Variants in ZNF804A observed in about 807,000 individuals in gnomAD.
ZNF804A encodes zinc finger protein 804A.
ZNF804A carries 2 observed loss-of-function variants against 16.5 expected under a neutral mutation model. That is an observed-to-expected ratio of 0.12 (90% CI 0.05 to 0.38). ZNF804A has a LOEUF of 0.38. ZNF804A is among the 10% of genes least tolerant of loss of function. ZNF804A has a pLI of 0.99. For synonymous variants in ZNF804A, 534 were observed against 489.6 expected (o/e 1.09, Z -1.20); for missense variants, 1,473 against 1,390.7 (o/e 1.06, Z -0.94).
Position 184,936,943 on chromosome 2 carries a change from G to C in ZNF804A, c.1547G>C (p.Ser516Thr), listed in dbSNP as rs528142085. Residue 516 changes from serine (S) to threonine (T), a missense_variant, in exon 4 of 4, where the codon AGC becomes ACC. Ser to Thr is a moderately conservative substitution (Grantham distance 58). Transcript: ENST00000302277. The part of the protein sequence containing the change: ...EGLTDYEIGS[S>T]KNKCSQVTPL... ...CTCACTGATTATGAAATTGGAAGTA[G>C]CAAAAATAAATGCAGCCAAGTCACT... 1.9e-6 allele frequency: 3 copies of C among 1,613,944 alleles called. No individual in the cohort carries two copies. Among genetic ancestry groups the C allele is most frequent in the African/African-American group, 1.3e-5 (1 of 75,032 alleles).
At chr2:184,827,076 C>T (rs1225627640) in intron 1 of ZNF804A, among the ~76,000 whole-genome samples, 1 of 151,800 alleles carries the variant, frequency 6.6e-6, no homozygotes, top group Non-Finnish European at 1.5e-5. Context: ...CTCTAAATAT[C>T]TATAAGCTGT....
At chr2:184,710,628 A>T (rs1312603827) in intron 1 of ZNF804A, among the ~76,000 whole-genome samples, 1 of 151,774 alleles carries the variant, frequency 6.6e-6, no homozygotes, top group Non-Finnish European at 1.5e-5. Context: ...TTCATCTTGT[A>T]AAACTGAAAC....
intron 1 of ZNF804A, among the ~76,000 whole-genome samples, chr2:184,726,668 T>C (rs1403967693): frequency 6.6e-6 from 1 of 151,624 alleles, no homozygotes; most frequent in African/African-American, 2.4e-5. Flanking sequence ...TTGTTCTTCG[T>C]ATTAAAATTG....
chr2:184,933,052 C>G (rs1685727665), intron 2 of ZNF804A, among the ~76,000 whole-genome samples: 2 of 151,942 alleles, frequency 1.3e-5, no homozygotes, highest in African/African-American at 2.4e-5. Context: ...AATGTACTCT[C>G]AGAACACACA....
chr2:184,639,535 T>G (rs1691758947), intron 1 of ZNF804A, among the ~76,000 whole-genome samples: 1 of 152,200 alleles, frequency 6.6e-6, no homozygotes, highest in African/African-American at 2.4e-5. Context: ...GAGAATATGT[T>G]TAATATTTTT....
rs1685779476 is a variant in ZNF804A, at chr2:184,936,034, G to T, written c.638G>T (p.Gly213Val). 6.2e-7 allele frequency: 1 copy of T among 1,613,914 alleles called. No homozygotes were observed. Among genetic ancestry groups the T allele is most frequent in the Non-Finnish European group, 8.5e-7 (1 of 1,179,966 alleles). ...CAGGGGATTCACAGACACAAAATCGGCTTTTCTTTTGCATTTCCAAAGAAA... is the reference window on the plus strand; with the variant it reads ...CAGGGGATTCACAGACACAAAATCGTCTTTTCTTTTGCATTTCCAAAGAAA... ...QAQGIHRHKIGFSFAFPKKAS... is the reference protein window; with the variant it reads ...QAQGIHRHKIVFSFAFPKKAS... The change falls in exon 4 of 4, where the codon GGC becomes GTC. Residue 213 changes from glycine to valine, a missense_variant. Physicochemically the swap from Gly to Val is moderately radical, Grantham distance 109. Coordinates refer to ENST00000302277, the MANE Select transcript of ZNF804A (RefSeq NM_194250.2).
At chr2:184,766,202 T>C (rs1439939035) in intron 1 of ZNF804A, among the ~76,000 whole-genome samples, 1 of 152,154 alleles carries the variant, frequency 6.6e-6, no homozygotes, top group East Asian at 1.9e-4. Flanking sequence ...CCAAATTAAT[T>C]CATTGCTAAA....
At chr2:184,672,860 G>A (rs1289751958) in intron 1 of ZNF804A, among the ~76,000 whole-genome samples, 1 of 152,056 alleles carries the variant, frequency 6.6e-6, no homozygotes, top group Non-Finnish European at 1.5e-5. Flanking sequence ...TCCTGCCTCA[G>A]CCTCCCAAGT....
At chr2:184,615,573 G>C (rs766813217) in intron 1 of ZNF804A, among the ~76,000 whole-genome samples, 1 of 152,138 alleles carries the variant, frequency 6.6e-6, no homozygotes, top group Non-Finnish European at 1.5e-5. Context: ...TGATGCCTCT[G>C]TTTCTATTCT....
intron 1 of ZNF804A, among the ~76,000 whole-genome samples, chr2:184,626,287 T>C (rs17508644): frequency 0.11 from 16,646 of 152,218 alleles, 1,180 homozygotes; most frequent in Non-Finnish European, 0.16. Flanking sequence ...TGGTATATTT[T>C]CAGCATTGTG....
chr2:184,724,876 CTTAG>C (rs763186925), intron 1 of ZNF804A, among the ~76,000 whole-genome samples: 6 of 151,588 alleles, frequency 4.0e-5, no homozygotes, highest in Admixed American at 6.6e-5. Flanking sequence ...TGTGGAAAGG[CTTAG>C]TTAGAGAGAT....
At chr2:184,766,039 G>A (rs1694121208) in intron 1 of ZNF804A, among the ~76,000 whole-genome samples, 1 of 152,014 alleles carries the variant, frequency 6.6e-6, no homozygotes, top group African/African-American at 2.4e-5. Flanking sequence ...GCATGTTTCT[G>A]GCATTTCTTT....
intron 1 of ZNF804A, among the ~76,000 whole-genome samples, chr2:184,734,641 G>A (rs1474870205): frequency 1.3e-5 from 2 of 152,110 alleles, no homozygotes; most frequent in African/African-American, 4.8e-5. Flanking sequence ...TTAGTATTCT[G>A]CTATTGTTTG....
chr2:184,632,385 C>A (rs957569063), intron 1 of ZNF804A, among the ~76,000 whole-genome samples: 1 of 152,012 alleles, frequency 6.6e-6, no homozygotes, highest in Admixed American at 6.6e-5. Context: ...ATTTATTTTA[C>A]TAAGTACCAT....
chr2:184,900,105 G>A (rs542329817), intron 2 of ZNF804A, among the ~76,000 whole-genome samples: 2 of 151,998 alleles, frequency 1.3e-5, no homozygotes, highest in South Asian at 2.1e-4. Flanking sequence ...GGCAAATGTG[G>A]TGGGTGAATG....
chr2:184,902,330 CA>C lies in ZNF804A; in HGVS notation c.256-31272del, dbSNP rs550349702. ...CGCTCTTCATGGCAGAATCAGTGGT[CA>C]GGGGGAACTTGATGATGGCATAGTG... On this transcript the variant is annotated intron_variant, in intron 2 of 3. Coordinates refer to ENST00000302277, the MANE Select transcript of ZNF804A (RefSeq NM_194250.2). 5 of 155,504 alleles carry C rather than the reference CA, an allele frequency of 3.2e-5. No homozygotes were observed. In the East Asian group the frequency reaches 7.5e-4, roughly 23 times the overall value. The allele number at this position is 155,504 out of a possible 1,614,324, so 9.6% of individuals were successfully genotyped here.
intron 1 of ZNF804A, among the ~76,000 whole-genome samples, chr2:184,832,050 C>T (rs914681558): frequency 9.9e-5 from 15 of 151,876 alleles, no homozygotes; most frequent in African/African-American, 3.6e-4. Context: ...GGCTTTTATT[C>T]AGTCTCTCTC....
intron 1 of ZNF804A, among the ~76,000 whole-genome samples, chr2:184,696,538 A>G (rs919845258): frequency 2.0e-5 from 3 of 152,198 alleles, no homozygotes; most frequent in Non-Finnish European, 4.4e-5. Flanking sequence ...CCTTACACAT[A>G]TAAATTATTG....
intron 1 of ZNF804A, among the ~76,000 whole-genome samples, chr2:184,727,889 T>C (rs778425926): frequency 1.3e-5 from 2 of 151,710 alleles, no homozygotes; most frequent in African/African-American, 2.4e-5. Flanking sequence ...ATTATTGGCA[T>C]TTTGCAAATT....
Sources: allele counts gnomAD v4.1 joint callset (sites outside exome capture counted in the v4.1 genomes callset), GRCh38; gene constraint gnomAD v4.1.1; transcripts MANE v1.5; gene names NCBI Gene and HGNC (gene_info 2026-07-23, HGNC 2026-07-21).